Variants in RARB observed in about 807,000 individuals in gnomAD.
RARB encodes the protein HBV-activated protein.
A neutral mutation model predicts 51.9 loss-of-function variants in RARB; 17 were observed. The observed-to-expected ratio is 0.33, with a 90% CI of 0.22 to 0.49. RARB has a LOEUF of 0.49. RARB is among the 20% of genes least tolerant of loss of function. RARB has a pLI of 0.99. For synonymous variants in RARB, 215 were observed against 195.4 expected (o/e 1.10, Z -0.84); for missense variants, 369 against 550.8 (o/e 0.67, Z 3.30).
intron 5 of RARB, among the ~76,000 whole-genome samples, chr3:25,590,377 T>C (rs1701569232): frequency 6.6e-6 from 1 of 152,228 alleles, no homozygotes; most frequent in Admixed American, 6.5e-5. Context: ...GATTCTTTCA[T>C]TTTTTGCAGG....
At chr3:25,461,750 C>T (rs1010101537) in intron 2 of RARB, among the ~76,000 whole-genome samples, 2 of 152,064 alleles carry the variant, frequency 1.3e-5, no homozygotes, top group East Asian at 1.9e-4. Flanking sequence ...AAAAATTAGC[C>T]AGGCGTGAGT....
chr3:25,543,966 A>C (rs1488451832), intron 3 of RARB, among the ~76,000 whole-genome samples: 3 of 152,230 alleles, frequency 2.0e-5, no homozygotes, highest in Non-Finnish European at 4.4e-5. Context: ...GTGTGTAATC[A>C]TGATGTATAA....
chr3:25,101,536 A>T (rs1242228633), intron 3 of RARB, among the ~76,000 whole-genome samples: 1 of 151,902 alleles, frequency 6.6e-6, no homozygotes, highest in South Asian at 2.1e-4. Flanking sequence ...AAACTTTTCC[A>T]TATCATTATG....
intron 4 of RARB, among the ~76,000 whole-genome samples, 165 bp from the exon 5 acceptor site, chr3:25,580,381 C>A (rs1320928901): frequency 6.6e-6 from 1 of 152,070 alleles, no homozygotes; most frequent in African/African-American, 2.4e-5. Context: ...CTCACACACA[C>A]AAAAAAAGGA....
chr3:25,490,569 C>T (rs1696683479), intron 2 of RARB, among the ~76,000 whole-genome samples: 1 of 152,152 alleles, frequency 6.6e-6, no homozygotes, highest in African/African-American at 2.4e-5. Context: ...TTCTGCTTAC[C>T]TTTTTCTCCC....
intron 1 of RARB, among the ~76,000 whole-genome samples, chr3:24,850,094 AAG>A (rs974967123): frequency 6.6e-6 from 1 of 152,228 alleles, no homozygotes; most frequent in African/African-American, 2.4e-5. Flanking sequence ...GCTGAAGGGC[AAG>A]AGAGAGTGGA....
chr3:25,160,179 G>C (rs1359206807), intron 4 of RARB, among the ~76,000 whole-genome samples: 1 of 152,058 alleles, frequency 6.6e-6, no homozygotes, highest in African/African-American at 2.4e-5. Context: ...ATTATCTCTA[G>C]GCTCTGGTAA....
intron 2 of RARB, among the ~76,000 whole-genome samples, chr3:25,007,407 C>A (rs987993055): frequency 4.0e-5 from 6 of 151,816 alleles, no homozygotes; most frequent in Non-Finnish European, 7.4e-5. Flanking sequence ...GGGTGGATCA[C>A]TTGAGGTCAG....
At chr3:24,911,835 G>T (rs1382562150) in intron 2 of RARB, among the ~76,000 whole-genome samples, 2 of 152,098 alleles carry the variant, frequency 1.3e-5, no homozygotes, top group Non-Finnish European at 2.9e-5. Flanking sequence ...GTGGGAGTGT[G>T]TTTTTTCTAG....
intron 5 of RARB, among the ~76,000 whole-genome samples, chr3:25,181,407 C>G (rs771391451): frequency 1.6e-4 from 25 of 152,098 alleles, no homozygotes; most frequent in Non-Finnish European, 2.4e-4. Flanking sequence ...TAGAGAAACC[C>G]ATTTCATCTT....
intron 2 of RARB, among the ~76,000 whole-genome samples, chr3:24,954,925 G>A (rs992866152): frequency 3.3e-5 from 5 of 152,114 alleles, no homozygotes; most frequent in African/African-American, 7.2e-5. Context: ...GCTCTGGCCC[G>A]ACGACAGTAT....
intron 2 of RARB, among the ~76,000 whole-genome samples, chr3:24,991,319 G>A (rs539412049): frequency 5.9e-5 from 9 of 152,044 alleles, no homozygotes; most frequent in East Asian, 1.9e-4. Flanking sequence ...GGTGCATGCC[G>A]GTAGTCCCAG....
At chr3:25,430,314 C>A (rs1468666681) in intron 1 of RARB, among the ~76,000 whole-genome samples, 1 of 152,212 alleles carries the variant, frequency 6.6e-6, no homozygotes, top group Admixed American at 6.5e-5. Flanking sequence ...AAATAATTTT[C>A]TAATCCAAGA....
At chr3:24,867,250 G>A (rs2125346528) in intron 2 of RARB, among the ~76,000 whole-genome samples, 1 of 152,206 alleles carries the variant, frequency 6.6e-6, no homozygotes, top group South Asian at 2.1e-4. Flanking sequence ...GTTTTGGGGA[G>A]GGGCTATTAT....
At chr3:25,500,456 T>TTTTG (rs1182794020) in intron 2 of RARB, among the ~76,000 whole-genome samples, 1 of 61,254 alleles carries the variant, frequency 1.6e-5, no homozygotes, top group African/African-American at 1.1e-4. Context: ...CTTTTCTTGT[T>TTTTG]TTTTTTTTTT....
At chr3:25,473,896 T>G (rs1007459704) in intron 2 of RARB, among the ~76,000 whole-genome samples, 1 of 147,734 alleles carries the variant, frequency 6.8e-6, no homozygotes, top group Non-Finnish European at 1.5e-5. Flanking sequence ...TCTGCTTCTA[T>G]GGAGGTATTT....
chr3:25,064,237 G>A (rs1698612864), intron 3 of RARB, among the ~76,000 whole-genome samples: 1 of 151,920 alleles, frequency 6.6e-6, no homozygotes, highest in Non-Finnish European at 1.5e-5. Flanking sequence ...GTAATATAAT[G>A]GCAATAGATT....
intron 1 of RARB, among the ~76,000 whole-genome samples, chr3:24,842,344 C>A (rs1055830520): frequency 2.6e-5 from 4 of 151,882 alleles, no homozygotes; most frequent in Admixed American, 1.3e-4. Flanking sequence ...TCTTTATTTC[C>A]TTTATAGAAA....
At chr3:25,393,325 A>G (rs186856811) in intron 5 of RARB, among the ~76,000 whole-genome samples, 5 of 151,622 alleles carry the variant, frequency 3.3e-5, no homozygotes, top group East Asian at 3.9e-4. Flanking sequence ...TTTTGTGTCT[A>G]TGTTCATCAG....
Sources: gnomAD v4.1 joint callset for allele counts (sites outside exome capture counted in the v4.1 genomes callset) on GRCh38, gnomAD v4.1.1 for gene constraint, MANE v1.5 for transcripts, NCBI Gene and HGNC (gene_info 2026-07-23, HGNC 2026-07-21) for gene names.